The following CNTNAP5 variants were observed in gnomAD, a reference collection of about 807,000 sequenced individuals.
CNTNAP5 encodes the protein contactin associated protein family member 5.
CNTNAP5 carries 72 observed loss-of-function variants against 150.2 expected under a neutral mutation model. That is an observed-to-expected ratio of 0.48 (90% CI 0.40 to 0.58). The LOEUF (loss-of-function observed/expected upper bound fraction) is 0.58. CNTNAP5 is among the 20% of genes least tolerant of loss of function. The probability of loss-of-function intolerance (pLI) is 0.00; values close to 1 mark genes in which losing one functional copy is unlikely to be tolerated. For synonymous variants in CNTNAP5, 672 were observed against 619.8 expected (o/e 1.08, Z -1.25); for missense variants, 1,636 against 1,626.2 (o/e 1.01, Z -0.10).
At chr2:124,844,620 A>G (rs1683009371) in intron 19 of CNTNAP5, among the ~76,000 whole-genome samples, 1 of 151,968 alleles carries the variant, frequency 6.6e-6, no homozygotes, top group Non-Finnish European at 1.5e-5. Flanking sequence ...TATTGATTCT[A>G]CCCATCCATG....
chr2:124,844,461 G>T (rs928028399), intron 19 of CNTNAP5, among the ~76,000 whole-genome samples: 7 of 151,988 alleles, frequency 4.6e-5, no homozygotes, highest in Non-Finnish European at 7.4e-5. Flanking sequence ...CTCCATATTT[G>T]TTCTTTTTGC....
At chr2:124,553,239 C>T (rs1277048541) in intron 10 of CNTNAP5, among the ~76,000 whole-genome samples, 2 of 152,134 alleles carry the variant, frequency 1.3e-5, no homozygotes, top group Non-Finnish European at 2.9e-5. Flanking sequence ...CAGGGTGGCT[C>T]ACACCTGCAA....
chr2:124,488,131 T>G (rs148369047), intron 7 of CNTNAP5, among the ~76,000 whole-genome samples: 2 of 152,110 alleles, frequency 1.3e-5, no homozygotes, highest in African/African-American at 4.8e-5. Context: ...ACACCGAAAA[T>G]CAGAAAGAAA....
In CNTNAP5 at chr2:124,915,581, G is replaced by A. The variant is rs1678750194; in HGVS notation, c.*1293G>A. On this transcript the variant is annotated 3_prime_UTR_variant, in exon 24 of 24. Coordinates refer to ENST00000682447, the MANE Select transcript of CNTNAP5 (RefSeq NM_001367498.1). The stretch of plus-strand genomic sequence containing the variant: ...GATTTCAGAGGAGCCCTTAGGTTCT[G>A]TAGCATACCACATTTTCAAATCTGC... Among the ~76,000 whole-genome samples, 1 of 152,000 alleles carries A rather than the reference G, an allele frequency of 6.6e-6. No individual in the cohort carries two copies. The highest frequency in any genetic ancestry group is 2.4e-5 in the African/African-American group (1 of 41,412).
At chr2:124,314,401 T>A (rs1397781601) in intron 3 of CNTNAP5, among the ~76,000 whole-genome samples, 1 of 152,168 alleles carries the variant, frequency 6.6e-6, no homozygotes, top group East Asian at 1.9e-4. Context: ...TAGTGGGCCC[T>A]GAGAGACCCA....
At chr2:124,260,815 A>T (rs921848189) in intron 3 of CNTNAP5, among the ~76,000 whole-genome samples, 2 of 152,200 alleles carry the variant, frequency 1.3e-5, no homozygotes, top group Non-Finnish European at 2.9e-5. Flanking sequence ...CCAATGCAAA[A>T]TATGTGGAAT....
At chr2:124,346,140 T>C (rs1049103176) in intron 3 of CNTNAP5, among the ~76,000 whole-genome samples, 3 of 152,134 alleles carry the variant, frequency 2.0e-5, no homozygotes, top group African/African-American at 7.2e-5. Context: ...ATTCCTAAAA[T>C]ACCACACTCA....
Position 124,798,373 on chromosome 2 carries a change from G to A in CNTNAP5, c.3217+53G>A, listed in dbSNP as rs552869105. The stretch of plus-strand genomic sequence containing the variant: ...GAGTCTCAGCCTGGGCTGGAGGGAC[G>A]GTGCATGCCCTCCAGAACTCTGCAT... On this transcript the variant is annotated intron_variant, in intron 19 of 23. Coordinates refer to ENST00000682447, the MANE Select transcript of CNTNAP5 (RefSeq NM_001367498.1). 499 of 1,267,944 alleles carry A rather than the reference G, an allele frequency of 3.9e-4. 1 individual carries two copies. The highest frequency in any genetic ancestry group is 1.7e-3 in the African/African-American group (119 of 68,104). The allele number at this position is 1,267,944 out of a possible 1,614,324, so 78.5% of individuals were successfully genotyped here.
chr2:124,109,108 G>T (rs1449837417), intron 1 of CNTNAP5, among the ~76,000 whole-genome samples: 1 of 152,164 alleles, frequency 6.6e-6, no homozygotes, highest in Non-Finnish European at 1.5e-5. Context: ...GGCAGCCAGT[G>T]AGGTCACATA....
At chr2:124,139,386 AAAGAC>A (rs1243333056) in intron 1 of CNTNAP5, among the ~76,000 whole-genome samples, 1 of 152,134 alleles carries the variant, frequency 6.6e-6, no homozygotes, top group Non-Finnish European at 1.5e-5. Context: ...GAAAAATACT[AAAGAC>A]AAGAGAAGTT....
chr2:124,426,911 G>T (rs190626412), intron 4 of CNTNAP5, among the ~76,000 whole-genome samples: 5 of 152,264 alleles, frequency 3.3e-5, no homozygotes, highest in African/African-American at 1.2e-4. Flanking sequence ...TGACCCAAAA[G>T]GAGAGGTTGT....
chr2:124,086,848 TG>T (rs1311946885), intron 1 of CNTNAP5, among the ~76,000 whole-genome samples: 1 of 151,678 alleles, frequency 6.6e-6, no homozygotes, highest in Non-Finnish European at 1.5e-5. Context: ...TTTAATATTT[TG>T]TTTTCTGTGT....
chr2:124,343,065 A>G (rs940336507), intron 3 of CNTNAP5, among the ~76,000 whole-genome samples: 2 of 152,208 alleles, frequency 1.3e-5, no homozygotes, highest in East Asian at 3.9e-4. Flanking sequence ...AGCTTTCAGA[A>G]AAGGCATCAA....
chr2:124,058,806 A>G (rs1251284409), intron 1 of CNTNAP5, among the ~76,000 whole-genome samples: 2 of 152,190 alleles, frequency 1.3e-5, no homozygotes, highest in Non-Finnish European at 2.9e-5. Flanking sequence ...GACCTTCTGA[A>G]AATCCAGTCC....
At chr2:124,687,970 T>C (rs1387021342) in intron 13 of CNTNAP5, among the ~76,000 whole-genome samples, 1 of 152,108 alleles carries the variant, frequency 6.6e-6, no homozygotes, top group Non-Finnish European at 1.5e-5. Flanking sequence ...GAATTGATAG[T>C]GTTCAAATTT....
chr2:124,906,384 C>T (rs924127847), intron 22 of CNTNAP5, among the ~76,000 whole-genome samples: 2 of 152,002 alleles, frequency 1.3e-5, no homozygotes, highest in Non-Finnish European at 2.9e-5. Context: ...ATAAAGCTCC[C>T]ATTTTACTAT....
chr2:124,904,053 C>CA (rs74764844), intron 22 of CNTNAP5, among the ~76,000 whole-genome samples: 2,212 of 88,464 alleles, frequency 0.025, 89 homozygotes, highest in East Asian at 0.091. Flanking sequence ...GACTCTGTTT[C>CA]AAAAAAAAAA....
chr2:124,249,494 C>G (rs774904480), intron 3 of CNTNAP5, among the ~76,000 whole-genome samples: 11 of 152,154 alleles, frequency 7.2e-5, no homozygotes, highest in African/African-American at 1.4e-4. Context: ...ACATTCCTTT[C>G]CATTAATCCC....
rs1374566834 is a variant in CNTNAP5 at position 124,603,822 on chromosome 2, T to G, written c.1757-5979T>G. On this transcript the variant is annotated intron_variant, in intron 11 of 23. Transcript: ENST00000682447. ...ATACATACATACCTACATACATACATGCATACATATATAAATTGATTGATG... is the reference window on the plus strand; with the variant it reads ...ATACATACATACCTACATACATACAGGCATACATATATAAATTGATTGATG... Among the ~76,000 whole-genome samples the G allele has an allele frequency of 3.3e-5, 5 of 152,282 alleles. No homozygotes were observed. The East Asian group carries it at 9.6e-4, about 29-fold the overall frequency.
Sources: gnomAD v4.1 joint callset for allele counts (sites outside exome capture counted in the v4.1 genomes callset) on GRCh38, gnomAD v4.1.1 for gene constraint, MANE v1.5 for transcripts, NCBI Gene and HGNC (gene_info 2026-07-23, HGNC 2026-07-21) for gene names.